KCNQ1: variants seen among roughly 807,000 people sequenced by gnomAD.
KCNQ1 encodes the protein potassium voltage-gated channel subfamily KQT member 1.
In KCNQ1, 49 loss-of-function variants were observed where a neutral mutation model predicts 72.4. The ratio of observed to expected loss-of-function variants is 0.68; its 90% CI spans 0.54 to 0.86. The LOEUF (loss-of-function observed/expected upper bound fraction) is 0.86. Ranked by LOEUF, KCNQ1 falls within the 40% of genes least tolerant of loss-of-function variation. The pLI is 0.00. For synonymous variants in KCNQ1, 450 were observed against 412.6 expected (o/e 1.09, Z -1.10); for missense variants, 790 against 945.1 (o/e 0.84, Z 2.15).
At chr11:2,573,077 GC>G in intron 6 of KCNQ1, 91 bp downstream of exon 6, 1 of 1,472,970 alleles carries the variant, frequency 6.8e-7, no homozygotes, top group Non-Finnish European at 9.2e-7. Flanking sequence ...GAGACTTCGG[GC>G]CTTGGCAGGG....
At position 2,478,753 on chromosome 11, in the gene KCNQ1, C is replaced by T. The variant is rs936494019; in HGVS notation, c.386+33269C>T. Among the ~76,000 whole-genome samples the T allele has an allele frequency of 6.6e-6, 1 of 152,182 alleles. No homozygotes were observed. The highest frequency in any genetic ancestry group is 2.4e-5 in the African/African-American group (1 of 41,434). Reference sequence around the variant, plus strand: ...CCTCACATTTCAAAACCAATCATGCCTTCCCAACGGTGCCCCAAAGTCTTA... The same window carrying T: ...CCTCACATTTCAAAACCAATCATGCTTTCCCAACGGTGCCCCAAAGTCTTA... On this transcript the variant is annotated intron_variant, in intron 1 of 15. Transcript: ENST00000155840. This position sits in a 1 kb window ranked among gnomAD's most constrained non-coding sequence, Gnocchi z 4.0.
Position 2,507,286 on chromosome 11 carries a change from C to G in KCNQ1, c.387-20642C>G, listed in dbSNP as rs1357170574. Among the ~76,000 whole-genome samples, 1 of 152,166 alleles carries G rather than the reference C, an allele frequency of 6.6e-6. No individual in the cohort carries two copies. Among genetic ancestry groups the G allele is most frequent in the Non-Finnish European group, 1.5e-5 (1 of 68,040 alleles). ...GAGACCTCTTCCTTAGAAGTTCACC[C>G]CACTGGCTGGGGCCTTCACGAGGCC... On this transcript the variant is annotated intron_variant, in intron 1 of 15. Coordinates refer to ENST00000155840, the MANE Select transcript of KCNQ1 (RefSeq NM_000218.3). This position sits in a 1 kb window ranked among gnomAD's most constrained non-coding sequence, Gnocchi z 5.4.
chr11:2,612,084 A>ATTAATTAAG lies in KCNQ1; in HGVS notation c.1393+23231_1393+23232insTAATTAAGT. 2.5e-6 allele frequency: 1 copy of ATTAATTAAG among 398,642 alleles called. No homozygotes were observed. Among genetic ancestry groups the ATTAATTAAG allele is most frequent in the Non-Finnish European group, 4.4e-6 (1 of 226,064 alleles). The allele number at this position is 398,642 out of a possible 1,614,324, so 24.7% of individuals were successfully genotyped here. On this transcript the variant is annotated intron_variant, in intron 10 of 15. Coordinates refer to ENST00000155840, the MANE Select transcript of KCNQ1 (RefSeq NM_000218.3). The surrounding 1 kb of genome is among the most constrained non-coding windows in gnomAD (Gnocchi z 5.5). ...CTTAATTACACATACATTGTTACAC[A>ATTAATTAAG]TCCTGTTAGGACAGGGGTTCCCAAC... is the stretch of plus-strand genomic sequence containing the variant.
In KCNQ1 at chr11:2,489,185, C is replaced by T. The variant is rs547789854; in HGVS notation, c.387-38743C>T. Among the ~76,000 whole-genome samples the T allele has an allele frequency of 3.3e-5, 5 of 152,346 alleles. 1 individual carries two copies. The South Asian group carries it at 8.3e-4, about 25-fold the overall frequency. ...AGACAGTACTGAATCACTGACAGCA[C>T]TGTGCCTCCCATCCCCCAGCTATGT... On this transcript the variant is annotated intron_variant, in intron 1 of 15. Coordinates refer to ENST00000155840, the MANE Select transcript of KCNQ1 (RefSeq NM_000218.3).
chr11:2,795,648 G>A (rs1196127908), intron 15 of KCNQ1, among the ~76,000 whole-genome samples: 1 of 152,200 alleles, frequency 6.6e-6, no homozygotes, highest in East Asian at 1.9e-4. Flanking sequence ...CCCTAATTCT[G>A]CCAGCTTCTG....
chr11:2,777,131 T>C (rs1846722892), intron 14 of KCNQ1, 99 bp downstream of exon 14: 5 of 1,170,602 alleles, frequency 4.3e-6, no homozygotes, highest in Non-Finnish European at 6.3e-6. Flanking sequence ...GAATGGGCCA[T>C]TGCACCTCCA....
At position 2,833,205 on chromosome 11, in the gene KCNQ1, C is replaced by T. The variant is rs1020037150; in HGVS notation, c.1795-14562C>T. On this transcript the variant is annotated intron_variant, in intron 15 of 15. Coordinates refer to ENST00000155840, the MANE Select transcript of KCNQ1 (RefSeq NM_000218.3). ...GAGGCCCTGTGGAAGCCCCTGCACG[C>T]AAGGGGCCCACGCGCCAGGGCAGAG... Among the ~76,000 whole-genome samples, 4 of 152,180 alleles carry T rather than the reference C, an allele frequency of 2.6e-5. No individual in the cohort carries two copies. The East Asian group carries it at 7.7e-4, about 29-fold the overall frequency.
At position 2,498,564 on chromosome 11, in the gene KCNQ1, T is replaced by G. The variant is rs1377790060; in HGVS notation, c.387-29364T>G. Among the ~76,000 whole-genome samples the G allele has an allele frequency of 6.6e-6, 1 of 152,194 alleles. No homozygotes were observed. The highest frequency in any genetic ancestry group is 6.5e-5 in the Admixed American group (1 of 15,280). On this transcript the variant is annotated intron_variant, in intron 1 of 15. Coordinates refer to ENST00000155840, the MANE Select transcript of KCNQ1 (RefSeq NM_000218.3). The surrounding 1 kb of genome is among the most constrained non-coding windows in gnomAD (Gnocchi z 4.8). The stretch of plus-strand genomic sequence containing the variant: ...CAAGCTTGAGCATCCCAGGTCAACT[T>G]CAGACTGCTGTGCTGGCAGTGAGAA...
chr11:2,832,036 C>T (rs370918530), intron 15 of KCNQ1, among the ~76,000 whole-genome samples: 58 of 152,210 alleles, frequency 3.8e-4, no homozygotes, highest in African/African-American at 1.4e-3. Flanking sequence ...TCCAGGCAGC[C>T]CTGCAGGTGG....
rs1849798988 is a variant in KCNQ1 at position 2,654,085 on chromosome 11, CCTTA to C, written c.1394-7872_1394-7869del. On this transcript the variant is annotated intron_variant, in intron 10 of 15. Transcript: ENST00000155840. The surrounding 1 kb of genome is among the most constrained non-coding windows in gnomAD (Gnocchi z 6.4). ...GGCTTTTACACTTTCCATCCATGTCCCTTACTTCTCGCCTCTGAGTGGAGACACA... is the reference window on the plus strand; with the variant it reads ...GGCTTTTACACTTTCCATCCATGTCCCTTCTCGCCTCTGAGTGGAGACACA... 1.5e-5 allele frequency: 6 copies of C among 398,774 alleles called. No homozygotes were observed. The highest frequency in any genetic ancestry group is 6.3e-4 in the Middle Eastern group (1 of 1,588). 24.7% of individuals were successfully genotyped at this position (398,774 alleles called of 1,614,324 possible). A position where few individuals can be genotyped will look rare whatever the true frequency, so the allele number is the denominator to read the frequency against.
chr11:2,570,608 G>T lies in KCNQ1; in HGVS notation c.478-20G>T, dbSNP rs368080519. ...AAGGCCGAGCCTGCCTGCAGTGAGC[G>T]TCCCACTCTGTCCCTGCAGGAGATC... is the stretch of plus-strand genomic sequence containing the variant. On this transcript the variant is annotated intron_variant, in intron 2 of 15. Transcript: ENST00000155840. The T allele has an allele frequency of 6.2e-7, 1 of 1,611,268 alleles. No individual in the cohort carries two copies. The highest frequency in any genetic ancestry group is 8.5e-7 in the Non-Finnish European group (1 of 1,179,900).
intron 15 of KCNQ1, among the ~76,000 whole-genome samples, chr11:2,800,548 A>AG (rs1847242367): frequency 1.3e-5 from 2 of 152,288 alleles, no homozygotes; most frequent in South Asian, 2.1e-4. Flanking sequence ...GAGTGGGGGA[A>AG]GGGGCCTGGG....
intron 2 of KCNQ1, among the ~76,000 whole-genome samples, chr11:2,529,375 C>T (rs1189628471): frequency 6.6e-6 from 1 of 151,714 alleles, no homozygotes; most frequent in Non-Finnish European, 1.5e-5. Flanking sequence ...GTGAACGTTG[C>T]CATCACCTTA....
At chr11:2,587,790 G>A in intron 9 of KCNQ1, 98 bp downstream of exon 9, 2 of 1,529,990 alleles carry the variant, frequency 1.3e-6, no homozygotes, top group Non-Finnish European at 9.0e-7. Context: ...CCATGCATTT[G>A]GCTTGGTACA....
intron 2 of KCNQ1, among the ~76,000 whole-genome samples, chr11:2,530,723 G>C (rs1407466506): frequency 1.3e-5 from 2 of 152,198 alleles, no homozygotes; most frequent in East Asian, 3.8e-4. Flanking sequence ...ATGTGTATCT[G>C]AGCGTGTACA....
rs961069845 is a variant in KCNQ1, at chr11:2,654,206, A to G, written c.1394-7755A>G. ...GGGCTGCGGCTCAGCAATGTCACGCAGGGCCTGGCTGCAGCTGTCCGGATG... is the reference window on the plus strand; with the variant it reads ...GGGCTGCGGCTCAGCAATGTCACGCGGGGCCTGGCTGCAGCTGTCCGGATG... On this transcript the variant is annotated intron_variant, in intron 10 of 15. Coordinates refer to ENST00000155840, the MANE Select transcript of KCNQ1 (RefSeq NM_000218.3). This position sits in a 1 kb window ranked among gnomAD's most constrained non-coding sequence, Gnocchi z 6.4. 3.3e-5 allele frequency: 13 copies of G among 398,582 alleles called. No individual in the cohort carries two copies. Among genetic ancestry groups the G allele is most frequent in the Middle Eastern group, 6.2e-4 (1 of 1,610 alleles). The allele number at this position is 398,582 out of a possible 1,614,324, so 24.7% of individuals were successfully genotyped here.
intron 11 of KCNQ1, chr11:2,672,555 G>C: frequency 5.0e-6 from 2 of 398,674 alleles, no homozygotes; most frequent in Non-Finnish European, 8.8e-6. Flanking sequence ...ATTGGAAGGT[G>C]GCCTTATCAA....
rs1158248020 is a variant in KCNQ1, at chr11:2,735,237, C to A, written c.1515-33607C>A. 1.3e-5 allele frequency among the ~76,000 whole-genome samples: 2 copies of A among 152,168 alleles called. No individual in the cohort carries two copies. Among genetic ancestry groups the A allele is most frequent in the East Asian group, 3.9e-4 (2 of 5,188 alleles). On this transcript the variant is annotated intron_variant, in intron 11 of 15. Transcript: ENST00000155840. The surrounding 1 kb of genome is among the most constrained non-coding windows in gnomAD (Gnocchi z 7.7). ...CTTGATGGTGACCCCCTATGAGACG[C>A]CACTTGCCCTGAGGCCCTGGGGGAC...
intron 11 of KCNQ1, among the ~76,000 whole-genome samples, chr11:2,743,516 G>A (rs1042809363): frequency 2.2e-4 from 33 of 152,242 alleles, no homozygotes; most frequent in East Asian, 5.8e-4. Flanking sequence ...CCAGCTCCCC[G>A]GCATGCAGCT....
Sources: gnomAD v4.1 joint callset for allele counts (sites outside exome capture counted in the v4.1 genomes callset) on GRCh38, gnomAD v4.1.1 for gene constraint, Gnocchi (gnomAD v3.1) non-coding constraint, MANE v1.5 for transcripts, NCBI Gene and HGNC (gene_info 2026-07-23, HGNC 2026-07-21) for gene names.